The following SV2C variants were observed in gnomAD, a reference collection of about 807,000 sequenced individuals.
SV2C encodes the protein synaptic vesicle glycoprotein 2C.
A neutral mutation model predicts 79.7 loss-of-function variants in SV2C; 49 were observed. The ratio of observed to expected loss-of-function variants is 0.61; its 90% CI spans 0.49 to 0.78. The LOEUF (loss-of-function observed/expected upper bound fraction) is 0.78, where lower values mean the gene tolerates loss of function less well. Among genes scored for constraint, SV2C ranks in the 30% least tolerant of loss-of-function variants. The pLI is 0.00. For missense variants in SV2C, 833 were observed against 912.9 expected (o/e 0.91, Z 1.13); for synonymous variants, 334 against 333.2 (o/e 1.00, Z -0.03).
the SV2C span, among the ~76,000 whole-genome samples, chr5:76,000,048 T>C: frequency 3.9e-5 from 6 of 152,072 alleles, no homozygotes; most frequent in African/African-American, 1.4e-4. Flanking sequence ...ATTCAAACCA[T>C]AGCAAGGCCC....
At chr5:76,335,192 C>CA (rs1217356622), downstream of SV2C, among the ~76,000 whole-genome samples, 2 of 152,146 alleles carry the variant, frequency 1.3e-5, no homozygotes, top group African/African-American at 4.8e-5. Flanking sequence ...GTTGTGCATT[C>CA]ACACCCCTCT....
At position 76,329,437 on chromosome 5, in the gene SV2C, T is replaced by C. The variant is rs757787466; in HGVS notation, c.*3890T>C. Reference sequence around the variant, plus strand: ...GAAACAGTTTTTCAGTGATTTTACCTATATTGGCAAATAGACAAATCTCAC... The same window carrying C: ...GAAACAGTTTTTCAGTGATTTTACCCATATTGGCAAATAGACAAATCTCAC... On this transcript the variant is annotated 3_prime_UTR_variant, in exon 13 of 13. Coordinates refer to ENST00000502798, the MANE Select transcript of SV2C (RefSeq NM_014979.4). 2 of 152,236 alleles carry C rather than the reference T, an allele frequency of 1.3e-5. No individual in the cohort carries two copies. The highest frequency in any genetic ancestry group is 2.9e-5 in the Non-Finnish European group (2 of 68,038). The allele number at this position is 152,236 out of a possible 1,614,324, so 9.4% of individuals were successfully genotyped here.
chr5:76,079,675 T>C (rs1280961171), upstream of SV2C: 4 of 338,368 alleles, frequency 1.2e-5, no homozygotes, highest in East Asian at 2.7e-4. Context: ...GGTGCCTGTA[T>C]TGCCTTGTGG....
chr5:76,244,883 A>C (rs1745897585), intron 4 of SV2C, among the ~76,000 whole-genome samples: 1 of 152,244 alleles, frequency 6.6e-6, no homozygotes, highest in Non-Finnish European at 1.5e-5. Context: ...CTAACAGAAT[A>C]GATGAGGTGT....
chr5:76,010,120 G>A, the SV2C span, among the ~76,000 whole-genome samples: 1 of 151,624 alleles, frequency 6.6e-6, no homozygotes, highest in East Asian at 1.9e-4. Context: ...TGTTACACAG[G>A]AGGAGTTCAA....
intron 4 of SV2C, among the ~76,000 whole-genome samples, chr5:76,284,825 G>A (rs1378665616): frequency 6.6e-6 from 1 of 151,974 alleles, no homozygotes; most frequent in Non-Finnish European, 1.5e-5. Flanking sequence ...GGAAAGAGTG[G>A]AGAGTGATCT....
At chr5:76,293,389 T>C (rs1466028663) in intron 8 of SV2C, among the ~76,000 whole-genome samples, 1 of 152,210 alleles carries the variant, frequency 6.6e-6, no homozygotes, top group Non-Finnish European at 1.5e-5. Flanking sequence ...TTATTGATCA[T>C]ATTTTAAGCT....
intron 2 of SV2C, among the ~76,000 whole-genome samples, chr5:76,154,650 T>C (rs1742666102): frequency 6.6e-6 from 1 of 152,196 alleles, no homozygotes; most frequent in Non-Finnish European, 1.5e-5. Flanking sequence ...TCCGCCATGA[T>C]AGCATGAGTT....
chr5:76,308,861 C>CTGTT (rs1389439540), intron 12 of SV2C, among the ~76,000 whole-genome samples: 1 of 152,028 alleles, frequency 6.6e-6, no homozygotes, highest in African/African-American at 2.4e-5. Flanking sequence ...AATTTTAATA[C>CTGTT]TGTTTGTTTA....
the SV2C span, among the ~76,000 whole-genome samples, chr5:75,956,808 G>T: frequency 1.3e-5 from 2 of 151,952 alleles, no homozygotes; most frequent in Non-Finnish European, 2.9e-5. Flanking sequence ...TTCAGAACTA[G>T]CCCAGTTCCC....
the SV2C span, among the ~76,000 whole-genome samples, chr5:75,944,060 C>G: frequency 1.3e-5 from 2 of 152,120 alleles, no homozygotes; most frequent in Admixed American, 6.6e-5. Context: ...CTCTGTTTCC[C>G]AGGCTGTAGT....
intron 12 of SV2C, among the ~76,000 whole-genome samples, chr5:76,312,971 T>G (rs1448200753): frequency 6.6e-6 from 1 of 152,206 alleles, no homozygotes; most frequent in Non-Finnish European, 1.5e-5. Flanking sequence ...CAGAGTTCTC[T>G]TGTTTCCTCC....
chr5:75,873,086 A>C, the SV2C span, among the ~76,000 whole-genome samples: 1 of 152,176 alleles, frequency 6.6e-6, no homozygotes, highest in African/African-American at 2.4e-5. Context: ...ATATCTGTAC[A>C]TCAAAATCAT....
intron 1 of SV2C, among the ~76,000 whole-genome samples, chr5:76,110,622 C>A (rs1748068288): frequency 2.0e-5 from 3 of 152,242 alleles, no homozygotes; most frequent in African/African-American, 7.2e-5. Context: ...ATCACAGAGG[C>A]TGCAAGGTTG....
the SV2C span, among the ~76,000 whole-genome samples, chr5:76,044,077 A>T: frequency 6.6e-6 from 1 of 151,978 alleles, no homozygotes; most frequent in Admixed American, 6.6e-5. Flanking sequence ...CTCTCCCTCC[A>T]ACAGGCCCCA....
At chr5:76,156,980 G>GA (rs1267372949) in intron 2 of SV2C, among the ~76,000 whole-genome samples, 1 of 151,878 alleles carries the variant, frequency 6.6e-6, no homozygotes, top group Non-Finnish European at 1.5e-5. Context: ...GAAAGGAGCA[G>GA]AAAAAATATT....
chr5:76,291,168 C>G, intron 6 of SV2C, 53 bp from the exon 7 acceptor site: 1 of 1,398,794 alleles, frequency 7.1e-7, no homozygotes, highest in Non-Finnish European at 9.9e-7. Context: ...TAACCCTACA[C>G]TCAGCAACTT....
chr5:75,997,589 A>T, the SV2C span, among the ~76,000 whole-genome samples: 4 of 152,232 alleles, frequency 2.6e-5, no homozygotes, highest in Admixed American at 1.3e-4. Context: ...CACATGAAAA[A>T]ATGCTCATCA....
chr5:76,055,485 T>C, the SV2C span, among the ~76,000 whole-genome samples: 1 of 152,212 alleles, frequency 6.6e-6, no homozygotes, highest in African/African-American at 2.4e-5. Context: ...ATACAAGCTC[T>C]TTTTTGGTTC....
Sources: allele counts gnomAD v4.1 joint callset (sites outside exome capture counted in the v4.1 genomes callset), GRCh38; gene constraint gnomAD v4.1.1; transcripts MANE v1.5; gene names NCBI Gene and HGNC (gene_info 2026-07-23, HGNC 2026-07-21).